The following PCDHA5 variants were observed in gnomAD, a reference collection of about 807,000 sequenced individuals.
PCDHA5 encodes protocadherin alpha-5.
A neutral mutation model predicts 61.6 loss-of-function variants in PCDHA5; 43 were observed. That is an observed-to-expected ratio of 0.70 (90% CI 0.55 to 0.90). The LOEUF is 0.90. Among genes scored for constraint, PCDHA5 ranks in the 40% least tolerant of loss-of-function variants. The pLI is 0.00. For missense variants in PCDHA5, 1,298 were observed against 1,222.7 expected (o/e 1.06, Z -0.92); for synonymous variants, 627 against 543.9 (o/e 1.15, Z -2.13).
At chr5:140,922,437 T>C (rs1462386336) in intron 1 of PCDHA5, among the ~76,000 whole-genome samples, 1 of 152,194 alleles carries the variant, frequency 6.6e-6, no homozygotes, top group African/African-American at 2.4e-5. Flanking sequence ...GGCAGAACTC[T>C]CTCATTATCC....
intron 1 of PCDHA5, chr5:140,871,170 G>A (rs2052777446): frequency 1.2e-6 from 2 of 1,613,536 alleles, no homozygotes; most frequent in Non-Finnish European, 1.7e-6. Context: ...CGAGCCCAGA[G>A]GCTGCGCTGG....
chr5:140,966,620 G>A lies in PCDHA5; in HGVS notation c.2353-12329G>A, dbSNP rs2096027901. 8 of 837,888 alleles carry A rather than the reference G, an allele frequency of 9.5e-6. No homozygotes were observed. The East Asian group carries it at 2.6e-4, about 27-fold the overall frequency. 51.9% of individuals were successfully genotyped at this position (837,888 alleles called of 1,614,324 possible). A position where few individuals can be genotyped will look rare whatever the true frequency, so the allele number is the denominator to read the frequency against. On this transcript the variant is annotated intron_variant, in intron 1 of 3. Transcript: ENST00000529859. ...GAGCCCTTGGGAGGGCCTACGGAGG[G>A]AGCGGCCCCAGGCGCTTTCTAGAGC...
chr5:140,883,520 G>A (rs1554178526), intron 1 of PCDHA5: 1 of 1,614,222 alleles, frequency 6.2e-7, no homozygotes, highest in Non-Finnish European at 8.5e-7. Context: ...CCGCGAGAGC[G>A]TATCAGCCTA....
chr5:140,992,798 CAT>C (rs1554253202), intron 3 of PCDHA5, among the ~76,000 whole-genome samples: 1 of 152,076 alleles, frequency 6.6e-6, no homozygotes, highest in African/African-American at 2.4e-5. Context: ...TTTATGGATC[CAT>C]ATGTATCTAA....
At chr5:140,843,397 G>T in intron 1 of PCDHA5, 1 of 1,596,068 alleles carries the variant, frequency 6.3e-7, no homozygotes, top group Non-Finnish European at 8.6e-7. Context: ...CGGAAGCGGC[G>T]CTGGTGGATG....
At chr5:140,904,107 T>A (rs1214453471) in intron 1 of PCDHA5, among the ~76,000 whole-genome samples, 3 of 152,216 alleles carry the variant, frequency 2.0e-5, no homozygotes, top group Non-Finnish European at 4.4e-5. Context: ...TAGTGGTCAT[T>A]GCTGAGATTT....
intron 1 of PCDHA5, among the ~76,000 whole-genome samples, chr5:140,827,148 G>A (rs1339537792): frequency 6.6e-6 from 1 of 152,156 alleles, no homozygotes; most frequent in African/African-American, 2.4e-5. Flanking sequence ...AAGGGATGCA[G>A]ATATGGATTT....
intron 1 of PCDHA5, among the ~76,000 whole-genome samples, chr5:140,948,360 C>T (rs1258504765): frequency 6.6e-6 from 1 of 151,494 alleles, no homozygotes; most frequent in Non-Finnish European, 1.5e-5. Context: ...AATAAAATGA[C>T]TTAGGAGGTG....
chr5:140,850,903 G>A (rs2150501679), intron 1 of PCDHA5: 2 of 1,560,976 alleles, frequency 1.3e-6, no homozygotes, highest in Admixed American at 1.9e-5. Flanking sequence ...GGTTTTTCTA[G>A]CATTTTATTT....
chr5:140,962,554 C>T lies in PCDHA5; in HGVS notation c.2353-16395C>T, dbSNP rs567554880. ...TTAGAACTAAAAATGTAGAGGATCTCCCCCTAAAAGCCAATTGTTAATGCC... is the reference window on the plus strand; with the variant it reads ...TTAGAACTAAAAATGTAGAGGATCTTCCCCTAAAAGCCAATTGTTAATGCC... On this transcript the variant is annotated intron_variant, in intron 1 of 3. Transcript: ENST00000529859. 3.9e-5 allele frequency among the ~76,000 whole-genome samples: 6 copies of T among 152,284 alleles called. No individual in the cohort carries two copies. The South Asian group carries it at 1.2e-3, about 32-fold the overall frequency.
chr5:140,974,751 G>A (rs530548991), intron 1 of PCDHA5, among the ~76,000 whole-genome samples: 11 of 152,284 alleles, frequency 7.2e-5, no homozygotes, highest in African/African-American at 2.4e-4. Flanking sequence ...GCCTCCCAAA[G>A]TGCTGGGATT....
chr5:140,901,270 C>T (rs2068553355), intron 1 of PCDHA5, among the ~76,000 whole-genome samples: 2 of 152,246 alleles, frequency 1.3e-5, no homozygotes, highest in South Asian at 4.1e-4. Flanking sequence ...TGGGGTATTA[C>T]TCAAGAAATT....
intron 1 of PCDHA5, among the ~76,000 whole-genome samples, chr5:140,956,442 T>A (rs557521776): frequency 2.6e-5 from 4 of 152,362 alleles, no homozygotes; most frequent in African/African-American, 9.6e-5. Flanking sequence ...GCTTATGTGA[T>A]GAATTACATT....
At chr5:140,920,855 A>AC (rs1163764054) in intron 1 of PCDHA5, among the ~76,000 whole-genome samples, 5 of 151,976 alleles carry the variant, frequency 3.3e-5, no homozygotes, top group African/African-American at 4.8e-5. Context: ...AAAAAAAAAA[A>AC]AAACAAACAA....
At chr5:140,830,751 A>G (rs1247208262) in intron 1 of PCDHA5, 3 of 185,768 alleles carry the variant, frequency 1.6e-5, no homozygotes, top group Admixed American at 1.2e-4. Flanking sequence ...TTTCTGTTGC[A>G]TTTTAATTCA....
At chr5:140,836,793 TCTC>T in intron 1 of PCDHA5, 5 of 1,403,902 alleles carry the variant, frequency 3.6e-6, no homozygotes, top group Non-Finnish European at 4.9e-6. Context: ...GTTCAATTGG[TCTC>T]CTTAAATTTT....
chr5:140,853,782 G>C (rs555382075), intron 1 of PCDHA5: 1 of 987,688 alleles, frequency 1.0e-6, no homozygotes, highest in Non-Finnish European at 1.2e-6. Context: ...TGGGTAGTAA[G>C]AGCAAATTTT....
chr5:140,922,101 G>A (rs531054386), intron 1 of PCDHA5, among the ~76,000 whole-genome samples: 1 of 152,086 alleles, frequency 6.6e-6, no homozygotes, highest in Admixed American at 6.5e-5. Context: ...ACCAACTATA[G>A]ATAAATGAAA....
chr5:140,825,376 AATATCTAAT>A (rs1315451832), intron 1 of PCDHA5: 2 of 146,378 alleles, frequency 1.4e-5, no homozygotes, highest in Non-Finnish European at 3.0e-5. Context: ...AAATATCTAA[AATATCTAAT>A]ATATATCTAA....
Sources: allele counts gnomAD v4.1 joint callset (sites outside exome capture counted in the v4.1 genomes callset), GRCh38; gene constraint gnomAD v4.1.1; transcripts MANE v1.5; gene names NCBI Gene and HGNC (gene_info 2026-07-23, HGNC 2026-07-21).